Variants in RABEPK observed in about 807,000 individuals in gnomAD.
RABEPK encodes the protein 40 kDa Rab9 effector protein.
A neutral mutation model predicts 34.1 loss-of-function variants in RABEPK; 27 were observed. That is an observed-to-expected ratio of 0.79 (90% CI 0.58 to 1.09). The LOEUF is 1.09. Ranked by LOEUF, RABEPK falls within the 50% of genes least tolerant of loss-of-function variation. RABEPK has a pLI of 0.00. For synonymous variants in RABEPK, 172 were observed against 169.2 expected (o/e 1.02, Z -0.13); for missense variants, 449 against 462.6 (o/e 0.97, Z 0.27).
intron 5 of RABEPK, among the ~76,000 whole-genome samples, chr9:125,225,042 C>T (rs1420663229): frequency 6.6e-6 from 1 of 151,970 alleles, no homozygotes; most frequent in Non-Finnish European, 1.5e-5. Context: ...CCACTTGAGC[C>T]TAGGAGTTCC....
At chr9:125,224,750 G>A (rs748298269) in intron 5 of RABEPK, among the ~76,000 whole-genome samples, 3 of 152,106 alleles carry the variant, frequency 2.0e-5, no homozygotes, top group Non-Finnish European at 4.4e-5. Context: ...CACTGCGCCC[G>A]GCCAGTATTG....
At chr9:125,213,566 C>T in intron 4 of RABEPK, 44 bp downstream of exon 4, 11 of 1,483,664 alleles carry the variant, frequency 7.4e-6, no homozygotes, top group Non-Finnish European at 1.0e-5. Context: ...TACAAATAAA[C>T]TTTCATGCAC....
At chr9:125,212,315 G>A (rs562727406) in intron 3 of RABEPK, among the ~76,000 whole-genome samples, 2 of 152,266 alleles carry the variant, frequency 1.3e-5, no homozygotes, top group South Asian at 4.1e-4. Context: ...CACCTCCCGG[G>A]TTAATGCCAT....
intron 5 of RABEPK, among the ~76,000 whole-genome samples, chr9:125,225,260 C>G (rs981602589): frequency 6.6e-6 from 1 of 152,066 alleles, no homozygotes; most frequent in Admixed American, 6.6e-5. Context: ...TGGTGTGCAC[C>G]TATAATCCCA....
intron 2 of RABEPK, among the ~76,000 whole-genome samples, chr9:125,206,978 G>T (rs1830263219): frequency 1.3e-5 from 2 of 151,638 alleles, no homozygotes; most frequent in African/African-American, 4.8e-5. Context: ...AATCCCAGCT[G>T]CTAGGGAGGC....
At position 125,207,666 on chromosome 9, in the gene RABEPK, T is replaced by C. The variant is rs945705054; in HGVS notation, c.156T>C (p.Ile52=). The C allele has an allele frequency of 1.2e-5, 19 of 1,614,056 alleles. No homozygotes were observed. The highest frequency in any genetic ancestry group is 1.5e-5 in the Non-Finnish European group (18 of 1,180,024). ...ATGCCAAGAGAGGGAAGGTCTTCAT[T>C]GTTGGGGGAGCAAATCCAAACAGAA... ...VGNAKRGKVF[I]VGGANPNRSF... The change falls in exon 3 of 8, where the codon ATT becomes ATC. Residue 52 remains isoleucine, a synonymous_variant. Coordinates refer to ENST00000373538, the MANE Select transcript of RABEPK (RefSeq NM_005833.4).
intron 2 of RABEPK, among the ~76,000 whole-genome samples, chr9:125,205,253 A>G (rs1394055780): frequency 6.6e-6 from 1 of 152,054 alleles, no homozygotes; most frequent in East Asian, 1.9e-4. Flanking sequence ...ATGTCCTCAT[A>G]CTATATATTC....
intron 5 of RABEPK, among the ~76,000 whole-genome samples, chr9:125,227,069 C>G (rs1831810265): frequency 6.6e-6 from 1 of 151,490 alleles, no homozygotes; most frequent in Admixed American, 6.6e-5. Flanking sequence ...ACTCTGGAGG[C>G]TGAGGCAGGA....
chr9:125,201,769 A>G (rs1829918822), intron 1 of RABEPK, among the ~76,000 whole-genome samples: 2 of 151,802 alleles, frequency 1.3e-5, no homozygotes, highest in South Asian at 4.2e-4. Context: ...GTGGGCCACA[A>G]CGCCCAGCTA....
intron 2 of RABEPK, among the ~76,000 whole-genome samples, chr9:125,203,609 C>T (rs1830035882): frequency 6.6e-6 from 1 of 152,206 alleles, no homozygotes. Context: ...AGTTCTTCAA[C>T]AGGACCTTGA....
chr9:125,209,998 A>G (rs930965594), intron 3 of RABEPK, among the ~76,000 whole-genome samples: 2 of 152,158 alleles, frequency 1.3e-5, no homozygotes, highest in African/African-American at 4.8e-5. Context: ...AGCTCCTCAG[A>G]AACAGATAGC....
chr9:125,216,253 AC>A (rs1830921011), intron 4 of RABEPK, among the ~76,000 whole-genome samples: 1 of 152,168 alleles, frequency 6.6e-6, no homozygotes. Context: ...AGATCATGCC[AC>A]AGCCTGAGCA....
intron 2 of RABEPK, 57 bp downstream of exon 2, chr9:125,203,123 T>C: frequency 6.9e-7 from 1 of 1,451,324 alleles, no homozygotes; most frequent in Non-Finnish European, 9.7e-7. Context: ...CATTTATAAG[T>C]AGTTTATTTA....
intron 5 of RABEPK, among the ~76,000 whole-genome samples, chr9:125,226,014 G>A (rs906194902): frequency 6.6e-6 from 1 of 151,512 alleles, no homozygotes; most frequent in African/African-American, 2.4e-5. Flanking sequence ...GCTGGGCGTG[G>A]TGGTGCACAC....
At chr9:125,218,040 G>A (rs1306352650) in intron 4 of RABEPK, among the ~76,000 whole-genome samples, 1 of 151,858 alleles carries the variant, frequency 6.6e-6, no homozygotes, top group Admixed American at 6.6e-5. Context: ...GGCCCGGCGC[G>A]GTAGCTCACG....
intron 4 of RABEPK, among the ~76,000 whole-genome samples, chr9:125,215,664 A>C (rs1044027100): frequency 1.3e-5 from 2 of 152,042 alleles, no homozygotes; most frequent in African/African-American, 4.8e-5. Context: ...AATACTCCAT[A>C]ATATCATAAC....
intron 1 of RABEPK, among the ~76,000 whole-genome samples, chr9:125,202,308 G>A (rs1829960864): frequency 1.3e-5 from 2 of 151,246 alleles, no homozygotes; most frequent in South Asian, 2.1e-4. Context: ...ATCACCTGAG[G>A]TCAGGAGTTA....
intron 4 of RABEPK, among the ~76,000 whole-genome samples, chr9:125,219,680 A>G (rs941180959): frequency 6.6e-6 from 1 of 151,460 alleles, no homozygotes; most frequent in East Asian, 2.0e-4. Context: ...TGGGATTACA[A>G]GCGTGAGCCA....
chr9:125,203,800 A>G (rs570383344), intron 2 of RABEPK, among the ~76,000 whole-genome samples: 10 of 152,060 alleles, frequency 6.6e-5, no homozygotes, highest in African/African-American at 2.2e-4. Flanking sequence ...TGGGAGGCCA[A>G]GGCGGGTGGA....
Sources: allele counts gnomAD v4.1 joint callset (sites outside exome capture counted in the v4.1 genomes callset), GRCh38; gene constraint gnomAD v4.1.1; transcripts MANE v1.5; gene names NCBI Gene and HGNC (gene_info 2026-07-23, HGNC 2026-07-21).